The following SAMD5 variants were observed in gnomAD, a reference collection of about 807,000 sequenced individuals.
SAMD5 encodes the protein sterile alpha motif domain-containing protein 5.
SAMD5 carries 13 observed loss-of-function variants against 11.3 expected under a neutral mutation model. The ratio of observed to expected loss-of-function variants is 1.15; its 90% CI spans 0.75 to 1.83. The LOEUF is 1.83. Among genes scored for constraint, SAMD5 ranks in the 40% most tolerant of loss-of-function variants. SAMD5 has a pLI of 0.00. For missense variants in SAMD5, 255 were observed against 239.1 expected, an observed-to-expected ratio of 1.07 and a Z score of -0.44; for synonymous variants, 129 against 111.3, an observed-to-expected ratio of 1.16 and a Z score of -1.00.
chr6:147,650,347 A>T (rs1562342905), intron 1 of SAMD5, among the ~76,000 whole-genome samples: 1 of 152,080 alleles, frequency 6.6e-6, no homozygotes, highest in Non-Finnish European at 1.5e-5. Flanking sequence ...GTGGCAAAGG[A>T]GGGGGCAAGG....
At chr6:147,627,763 GC>G (rs1441823963) in intron 1 of SAMD5, among the ~76,000 whole-genome samples, 16 of 152,114 alleles carry the variant, frequency 1.1e-4, no homozygotes, top group African/African-American at 3.9e-4. Flanking sequence ...CTGGATGACA[GC>G]CTAAAGCATT....
At chr6:147,614,910 G>A (rs1164338376) in intron 1 of SAMD5, among the ~76,000 whole-genome samples, 1 of 151,922 alleles carries the variant, frequency 6.6e-6, no homozygotes, top group Non-Finnish European at 1.5e-5. Context: ...GGAAAAAAAT[G>A]TATCTATACT....
At chr6:147,937,233 T>G in the SAMD5 span, among the ~76,000 whole-genome samples, 1 of 152,228 alleles carries the variant, frequency 6.6e-6, no homozygotes, top group Non-Finnish European at 1.5e-5. Context: ...CTTTTTGTTT[T>G]GAAATTTCAT....
At chr6:147,950,493 G>A in the SAMD5 span, among the ~76,000 whole-genome samples, 1 of 152,098 alleles carries the variant, frequency 6.6e-6, no homozygotes, top group Admixed American at 6.5e-5. Context: ...GGCTTGATAC[G>A]TCCTCCTGAG....
chr6:147,668,671 C>G (rs1383506792), intron 1 of SAMD5, among the ~76,000 whole-genome samples: 1 of 151,884 alleles, frequency 6.6e-6, no homozygotes, highest in Admixed American at 6.6e-5. Context: ...TGGCAAAACC[C>G]CGTCTCTACT....
chr6:147,882,684 A>G, the SAMD5 span, among the ~76,000 whole-genome samples: 3 of 152,360 alleles, frequency 2.0e-5, no homozygotes, highest in East Asian at 5.8e-4. Flanking sequence ...TGTTCAGCAA[A>G]CCAGCCCTTC....
At chr6:147,728,905 T>C (rs1759867138) in intron 1 of SAMD5, among the ~76,000 whole-genome samples, 1 of 152,220 alleles carries the variant, frequency 6.6e-6, no homozygotes, top group Admixed American at 6.5e-5. Flanking sequence ...GAAATAAATA[T>C]GATAAAAGTG....
intron 1 of SAMD5, among the ~76,000 whole-genome samples, chr6:147,736,760 C>T (rs951743828): frequency 6.6e-6 from 1 of 152,068 alleles, no homozygotes; most frequent in African/African-American, 2.4e-5. Flanking sequence ...AAGCATGTAT[C>T]TTAGCATTTA....
chr6:147,841,524 G>T, the SAMD5 span, among the ~76,000 whole-genome samples: 1 of 152,082 alleles, frequency 6.6e-6, no homozygotes, highest in African/African-American at 2.4e-5. Flanking sequence ...ACATTAGTTT[G>T]GGCCCAGAGG....
intron 1 of SAMD5, among the ~76,000 whole-genome samples, chr6:147,707,509 C>T (rs1023734518): frequency 3.9e-5 from 6 of 152,294 alleles, no homozygotes; most frequent in Non-Finnish European, 7.4e-5. Flanking sequence ...AGATTTCCTT[C>T]AGACCAGCCT....
intron 1 of SAMD5, chr6:147,730,131 C>A: frequency 2.3e-6 from 1 of 427,996 alleles, no homozygotes; most frequent in Non-Finnish European, 4.6e-6. Flanking sequence ...AGGGCTACAG[C>A]AGAGTGAAAG....
chr6:147,731,652 CAAAAAAAA>C (rs4052655), intron 1 of SAMD5, among the ~76,000 whole-genome samples: 1 of 90,128 alleles, frequency 1.1e-5, no homozygotes, highest in Non-Finnish European at 2.0e-5. Context: ...CTGGCCACTA[CAAAAAAAA>C]AAAAAAAAAA....
chr6:147,939,823 TAA>T, the SAMD5 span, among the ~76,000 whole-genome samples: 1 of 151,496 alleles, frequency 6.6e-6, no homozygotes, highest in Non-Finnish European at 1.5e-5. Flanking sequence ...TTTTTTTTTT[TAA>T]TTTTTTAGCC....
intron 1 of SAMD5, among the ~76,000 whole-genome samples, chr6:147,577,004 A>C (rs1789226303): frequency 6.6e-6 from 1 of 152,232 alleles, no homozygotes; most frequent in East Asian, 1.9e-4. Flanking sequence ...ATTTGATTCT[A>C]CCTGTTTTGT....
rs1430483207 is a variant in SAMD5, at chr6:147,713,083, T to TA, written c.163-24231dup. Among the ~76,000 whole-genome samples, 5 of 151,836 alleles carry TA rather than the reference T, an allele frequency of 3.3e-5. No individual in the cohort carries two copies. The East Asian group carries it at 5.8e-4, about 18-fold the overall frequency. The stretch of plus-strand genomic sequence containing the variant: ...TTGTGATGTCAAGCATGTTGCTACT[T>TA]AAAGGAAAGAATGTTTGTGTTTGAT... On this transcript the variant is annotated intron_variant, in intron 1 of 1. Coordinates refer to the SAMD5 transcript ENST00000566741.
chr6:147,515,240 A>G (rs918418521), intron 1 of SAMD5, among the ~76,000 whole-genome samples: 2 of 133,354 alleles, frequency 1.5e-5, no homozygotes, highest in Admixed American at 8.0e-5. Context: ...ACTGTGGAAA[A>G]AAGTGGGGGC....
chr6:147,919,813 T>G, the SAMD5 span, among the ~76,000 whole-genome samples: 1 of 152,320 alleles, frequency 6.6e-6, no homozygotes, highest in Admixed American at 6.5e-5. Flanking sequence ...GGAGAAAATT[T>G]AAGAGATTAT....
chr6:147,811,318 G>T, the SAMD5 span, among the ~76,000 whole-genome samples: 1 of 152,128 alleles, frequency 6.6e-6, no homozygotes, highest in Non-Finnish European at 1.5e-5. Flanking sequence ...TAGTACAGGG[G>T]AGCTCATAAA....
chr6:147,709,481 A>G lies in SAMD5; in HGVS notation c.163-27836A>G, dbSNP rs192047535. ...AATCAAATTGATTCTTTAGAAGGCT[A>G]ATCAGGGTTTTGTTTTGCTTTGGTT... On this transcript the variant is annotated intron_variant, in intron 1 of 1. Coordinates refer to the SAMD5 transcript ENST00000566741. Among the ~76,000 whole-genome samples the G allele has an allele frequency of 1.9e-4, 29 of 152,326 alleles. No homozygotes were observed. The East Asian group carries it at 5.6e-3, about 29-fold the overall frequency.
Sources: gnomAD v4.1 joint callset for allele counts (sites outside exome capture counted in the v4.1 genomes callset) on GRCh38, gnomAD v4.1.1 for gene constraint, MANE v1.5 for transcripts, NCBI Gene and HGNC (gene_info 2026-07-23, HGNC 2026-07-21) for gene names.